Variants in PAX2 observed in about 807,000 individuals in gnomAD.
The protein encoded by PAX2 is paired box 2.
A neutral mutation model predicts 41.7 loss-of-function variants in PAX2; 9 were observed. The ratio of observed to expected loss-of-function variants is 0.22; its 90% CI spans 0.13 to 0.38. The LOEUF (loss-of-function observed/expected upper bound fraction) is 0.38, where lower values mean the gene tolerates loss of function less well. Among genes scored for constraint, PAX2 ranks in the 10% least tolerant of loss-of-function variants. The probability of loss-of-function intolerance (pLI) is 1.00; values close to 1 mark genes in which losing one functional copy is unlikely to be tolerated. For synonymous variants in PAX2, 221 were observed against 212.7 expected (o/e 1.04, Z -0.34); for missense variants, 418 against 531.6 (o/e 0.79, Z 2.10).
rs1391459187 is a variant in PAX2 at position 100,826,126 on chromosome 10, T to C, written c.1022-883T>C. ...ATAGCTCAGTTCCTCTTGGTCACAG[T>C]TGAGCTCAGAAGCTCATTATCCTGC... is the stretch of plus-strand genomic sequence containing the variant. On this transcript the variant is annotated intron_variant, in intron 8 of 9. Coordinates refer to ENST00000355243, the MANE Select transcript of PAX2 (RefSeq NM_000278.5). The surrounding 1 kb of genome is among the most constrained non-coding windows in gnomAD (Gnocchi z 5.5). Among the ~76,000 whole-genome samples the C allele has an allele frequency of 6.6e-6, 1 of 152,112 alleles. No homozygotes were observed. Among genetic ancestry groups the C allele is most frequent in the Non-Finnish European group, 1.5e-5 (1 of 68,008 alleles).
In PAX2 at chr10:100,779,682, A is replaced by G. The variant is rs187133715; in HGVS notation, c.496+99A>G. Reference sequence around the variant, plus strand: ...GGAACTGCCTGCCCGCTTGAGGTCCAGAGCCCAACCTATTTGCCAACTCCT... The same window carrying G: ...GGAACTGCCTGCCCGCTTGAGGTCCGGAGCCCAACCTATTTGCCAACTCCT... On this transcript the variant is annotated intron_variant, in intron 4 of 9. Coordinates refer to ENST00000355243, the MANE Select transcript of PAX2 (RefSeq NM_000278.5). 1.4e-3 allele frequency: 1,278 copies of G among 907,258 alleles called. 7 individuals carry two copies. Among genetic ancestry groups the G allele is most frequent in the Non-Finnish European group, 4.6e-4 (256 of 561,066 alleles). The allele number at this position is 907,258 out of a possible 1,614,324, so 56.2% of individuals were successfully genotyped here.
chr10:100,751,581 A>G (rs796715372), intron 3 of PAX2, among the ~76,000 whole-genome samples: 19 of 152,344 alleles, frequency 1.2e-4, no homozygotes, highest in African/African-American at 4.3e-4. Context: ...AAGTCTTTGC[A>G]CTGATGACAG....
At position 100,827,303 on chromosome 10, in the gene PAX2, G is replaced by A. The variant is rs190690127; in HGVS notation, c.1108+208G>A. On this transcript the variant is annotated intron_variant, in intron 9 of 9. Transcript: ENST00000355243. This position sits in a 1 kb window ranked among gnomAD's most constrained non-coding sequence, Gnocchi z 8.5. ...CCTGGTCGCTCGAAGGCTCTGCGCC[G>A]CCCTCGCCCTCGGATCCCCTGGAGG... 6.6e-6 allele frequency among the ~76,000 whole-genome samples: 1 copy of A among 152,104 alleles called. No homozygotes were observed. The highest frequency in any genetic ancestry group is 1.5e-5 in the Non-Finnish European group (1 of 68,018).
At position 100,748,537 on chromosome 10, in the gene PAX2, C is replaced by T. The variant is rs1845299072; in HGVS notation, c.44-1209C>T. 3 of 985,258 alleles carry T rather than the reference C, an allele frequency of 3.0e-6. No homozygotes were observed. The highest frequency in any genetic ancestry group is 2.3e-4 in the East Asian group (2 of 8,802). 61.0% of individuals were successfully genotyped at this position (985,258 alleles called of 1,614,324 possible). A position where few individuals can be genotyped will look rare whatever the true frequency, so the allele number is the denominator to read the frequency against. ...GCTGCAGCTTGCCAGTCCGGGCCGA[C>T]CCGACTCGGCCGCTAGAAGTCTCTG... On this transcript the variant is annotated intron_variant, in intron 1 of 9. Coordinates refer to ENST00000355243, the MANE Select transcript of PAX2 (RefSeq NM_000278.5). The surrounding 1 kb of genome is among the most constrained non-coding windows in gnomAD (Gnocchi z 5.0).
chr10:100,744,543 G>T (rs1350637203), upstream of PAX2, among the ~76,000 whole-genome samples: 1 of 152,228 alleles, frequency 6.6e-6, no homozygotes, highest in African/African-American at 2.4e-5. Context: ...ACGTCCCCGT[G>T]GTTGCGCCTC....
intron 3 of PAX2, among the ~76,000 whole-genome samples, chr10:100,764,192 G>A (rs1845939351): frequency 7.1e-6 from 1 of 140,660 alleles, no homozygotes; most frequent in African/African-American, 2.7e-5. Flanking sequence ...CGCCCAGGCT[G>A]GAGTGCAGTG....
At chr10:100,776,414 G>A (rs914826753) in intron 3 of PAX2, among the ~76,000 whole-genome samples, 9 of 152,168 alleles carry the variant, frequency 5.9e-5, no homozygotes, top group Admixed American at 5.2e-4. Context: ...TGCAGGTTGT[G>A]TTTTTCTTGA....
upstream of PAX2, among the ~76,000 whole-genome samples, chr10:100,741,801 C>T (rs1844965620): frequency 6.6e-6 from 1 of 152,260 alleles, no homozygotes; most frequent in Non-Finnish European, 1.5e-5. Context: ...ACTTTTCTCC[C>T]CTTGGTTCTA....
At chr10:100,773,779 C>T (rs994157477) in intron 3 of PAX2, among the ~76,000 whole-genome samples, 3 of 151,828 alleles carry the variant, frequency 2.0e-5, no homozygotes, top group Non-Finnish European at 4.4e-5. Flanking sequence ...AGACACTTAA[C>T]CTTTTTTACA....
chr10:100,811,890 C>A (rs1848002055), intron 7 of PAX2, among the ~76,000 whole-genome samples: 1 of 152,202 alleles, frequency 6.6e-6, no homozygotes, highest in Non-Finnish European at 1.5e-5. Context: ...GGCTGCAAAC[C>A]TTAGGGGATG....
At chr10:100,760,558 G>T (rs1253555325) in intron 3 of PAX2, among the ~76,000 whole-genome samples, 1 of 152,246 alleles carries the variant, frequency 6.6e-6, no homozygotes, top group Non-Finnish European at 1.5e-5. Context: ...GGCCAGGGTG[G>T]AGGGTGTGTG....
chr10:100,811,776 G>A (rs1337994329), intron 7 of PAX2, among the ~76,000 whole-genome samples: 1 of 152,208 alleles, frequency 6.6e-6, no homozygotes, highest in African/African-American at 2.4e-5. Flanking sequence ...AGGTCACCCA[G>A]TGCCCATAGC....
intron 3 of PAX2, among the ~76,000 whole-genome samples, chr10:100,755,153 C>A (rs1845583966): frequency 6.6e-6 from 1 of 152,232 alleles, no homozygotes; most frequent in African/African-American, 2.4e-5. Context: ...GGTTGAAATT[C>A]TCATTCCTTA....
In PAX2 at chr10:100,748,226, T is replaced by G. The variant is rs566447146; in HGVS notation, c.44-1520T>G. Reference sequence around the variant, plus strand: ...CTTTAATCTGCCCGCAGCTGCCGCCTTTTCATACCGGTAACGCGAGTTCTC... The same window carrying G: ...CTTTAATCTGCCCGCAGCTGCCGCCGTTTCATACCGGTAACGCGAGTTCTC... On this transcript the variant is annotated intron_variant, in intron 1 of 9. Transcript: ENST00000355243. The surrounding 1 kb of genome is among the most constrained non-coding windows in gnomAD (Gnocchi z 5.0). 22 of 985,142 alleles carry G rather than the reference T, an allele frequency of 2.2e-5. No homozygotes were observed. In the South Asian group the frequency reaches 8.9e-4, roughly 40 times the overall value. The allele number at this position is 985,142 out of a possible 1,614,324, so 61.0% of individuals were successfully genotyped here.
Position 100,829,103 on chromosome 10 carries a change from AT to A in PAX2, c.*1486del. 1 of 231,100 alleles carries A rather than the reference AT, an allele frequency of 4.3e-6. No homozygotes were observed. The allele number at this position is 231,100 out of a possible 1,614,324, so 14.3% of individuals were successfully genotyped here. On this transcript the variant is annotated 3_prime_UTR_variant, in exon 10 of 10. Coordinates refer to ENST00000355243, the MANE Select transcript of PAX2 (RefSeq NM_000278.5). ...GGCATTTTTTATGTTACAAAAAAAA[AT>A]TACGAAAGAAAAGAAATCTCTATGC...
intron 5 of PAX2, among the ~76,000 whole-genome samples, chr10:100,802,941 T>G (rs1238201068): frequency 6.6e-6 from 1 of 151,782 alleles, no homozygotes; most frequent in Admixed American, 6.6e-5. Context: ...CTAACAGTGG[T>G]CTCTTTCTTC....
intron 7 of PAX2, among the ~76,000 whole-genome samples, chr10:100,812,947 C>T (rs1341182914): frequency 1.3e-5 from 2 of 152,178 alleles, no homozygotes; most frequent in East Asian, 3.8e-4. Context: ...TTTTGGCTTC[C>T]CTGGGCCACT....
chr10:100,777,923 G>C (rs1846458082), intron 3 of PAX2, among the ~76,000 whole-genome samples: 1 of 152,188 alleles, frequency 6.6e-6, no homozygotes, highest in African/African-American at 2.4e-5. Context: ...TTAGTCCCTT[G>C]CCTGTCTCCA....
chr10:100,779,889 C>A lies in PAX2; in HGVS notation c.496+306C>A, dbSNP rs191583108. Among the ~76,000 whole-genome samples, 78 of 151,970 alleles carry A rather than the reference C, an allele frequency of 5.1e-4. No individual in the cohort carries two copies. The East Asian group carries it at 0.011, about 22-fold the overall frequency. ...CATTTCTTCTTCTTTTTCTTCTTCT[C>A]CTCCTCCTGCTTCCCTCTCCCTCAT... On this transcript the variant is annotated intron_variant, in intron 4 of 9. Transcript: ENST00000355243.
Sources: gnomAD v4.1 joint callset for allele counts (sites outside exome capture counted in the v4.1 genomes callset) on GRCh38, gnomAD v4.1.1 for gene constraint, Gnocchi (gnomAD v3.1) non-coding constraint, MANE v1.5 for transcripts, NCBI Gene and HGNC (gene_info 2026-07-23, HGNC 2026-07-21) for gene names.